The following CEP170 variants were observed in gnomAD, a reference collection of about 807,000 sequenced individuals.
The protein encoded by CEP170 is centrosomal protein 170.
Under a neutral mutation model 151.9 loss-of-function variants are expected in CEP170, and 21 were observed. That is an observed-to-expected ratio of 0.14 (90% CI 0.10 to 0.20). CEP170 has a LOEUF of 0.20. Ranked by LOEUF, CEP170 falls within the 10% of genes least tolerant of loss-of-function variation. The pLI, the probability that CEP170 is intolerant of heterozygous loss-of-function variation, is 1.00. For missense variants in CEP170, 964 were observed against 1,892.9 expected, an observed-to-expected ratio of 0.51 and a Z score of 9.11; for synonymous variants, 356 against 648.8, an observed-to-expected ratio of 0.55 and a Z score of 6.86.
At chr1:243,209,132 G>C (rs1156980685) in intron 4 of CEP170, among the ~76,000 whole-genome samples, 1 of 152,196 alleles carries the variant, frequency 6.6e-6, no homozygotes, top group Non-Finnish European at 1.5e-5. Flanking sequence ...CCTAATTCTA[G>C]TCTTGATCCA....
chr1:243,232,874 C>T (rs1306982367), intron 1 of CEP170, among the ~76,000 whole-genome samples: 1 of 152,144 alleles, frequency 6.6e-6, no homozygotes, highest in Non-Finnish European at 1.5e-5. Flanking sequence ...GACACTTTTT[C>T]ATCTTTGTAT....
intron 3 of CEP170, among the ~76,000 whole-genome samples, chr1:243,214,347 G>A (rs1311769178): frequency 7.6e-5 from 11 of 144,388 alleles, no homozygotes; most frequent in East Asian, 4.3e-4. Flanking sequence ...GTGTAATGGC[G>A]TGATCTCAGC....
chr1:243,134,888 T>G (rs1244005372), intron 17 of CEP170, among the ~76,000 whole-genome samples: 1 of 152,082 alleles, frequency 6.6e-6, no homozygotes, highest in Admixed American at 6.5e-5. Context: ...TTGGGGAAAG[T>G]AAAGATCTAA....
At chr1:243,241,340 G>A (rs933639556) in intron 1 of CEP170, among the ~76,000 whole-genome samples, 4 of 152,126 alleles carry the variant, frequency 2.6e-5, no homozygotes, top group Admixed American at 2.6e-4. Flanking sequence ...CAATGTTAAC[G>A]ACATCCCTTT....
rs1405428319 is a variant in CEP170, at chr1:243,219,770, C to A, written c.195+1954G>T. On this transcript the variant is annotated intron_variant, in intron 3 of 19. Coordinates refer to ENST00000366542, the MANE Select transcript of CEP170 (RefSeq NM_014812.3). ...TTAAAATTTTTCACTATAAATTCTTCAAGTAGAAAATTAATTCAATTCCAC... is the reference window on the plus strand; with the variant it reads ...TTAAAATTTTTCACTATAAATTCTTAAAGTAGAAAATTAATTCAATTCCAC... Among the ~76,000 whole-genome samples the A allele has an allele frequency of 3.9e-5, 6 of 152,306 alleles. No homozygotes were observed. The South Asian group carries it at 1.2e-3, about 32-fold the overall frequency.
intron 14 of CEP170, among the ~76,000 whole-genome samples, chr1:243,145,180 T>C (rs2056318932): frequency 6.6e-6 from 1 of 152,220 alleles, no homozygotes; most frequent in Admixed American, 6.5e-5. Context: ...TTTGCAAGAT[T>C]ATATATTATT....
At chr1:243,209,833 C>T in intron 4 of CEP170, among the ~76,000 whole-genome samples, 1 of 151,962 alleles carries the variant, frequency 6.6e-6, no homozygotes, top group Middle Eastern at 3.2e-3. Context: ...GCTGGGAGTA[C>T]AGGCGCCCGC....
At chr1:243,148,801 G>A (rs2148389010) in intron 14 of CEP170, among the ~76,000 whole-genome samples, 2 of 152,154 alleles carry the variant, frequency 1.3e-5, no homozygotes, top group Admixed American at 1.3e-4. Context: ...TCCATCAGTG[G>A]AAACTGTCAG....
chr1:243,208,368 A>C (rs1006103988), intron 4 of CEP170, among the ~76,000 whole-genome samples: 23 of 152,180 alleles, frequency 1.5e-4, no homozygotes, highest in African/African-American at 1.4e-4. Flanking sequence ...TCCGATTAAA[A>C]AAAAACAAAA....
intron 1 of CEP170, 103 bp from the exon 2 acceptor site, chr1:243,225,424 A>G: frequency 2.1e-6 from 1 of 486,764 alleles, no homozygotes; most frequent in Non-Finnish European, 3.6e-6. Flanking sequence ...GTTCATCAAC[A>G]TTTATACTTA....
chr1:243,213,223 C>T (rs1034282988), intron 3 of CEP170, among the ~76,000 whole-genome samples: 4 of 151,852 alleles, frequency 2.6e-5, no homozygotes, highest in Admixed American at 1.3e-4. Context: ...CACAGACCTA[C>T]GAGCATGATG....
At position 243,136,839 on chromosome 1, in the gene CEP170, A is replaced by T. The variant is rs1335171313; in HGVS notation, c.4231-608T>A. 2.6e-5 allele frequency among the ~76,000 whole-genome samples: 4 copies of T among 152,012 alleles called. No homozygotes were observed. In the East Asian group the frequency reaches 5.8e-4, roughly 22 times the overall value. On this transcript the variant is annotated intron_variant, in intron 16 of 19. Transcript: ENST00000366542. The stretch of plus-strand genomic sequence containing the variant: ...CTTTGAGGGACACAGGGTCTAAGTA[A>T]TGTGAATACAGAAATCAAGAAGAGT...
At position 243,125,144 on chromosome 1, in the gene CEP170, CT is replaced by C. The variant is rs1281421363; in HGVS notation, c.*1304del. 6.6e-6 allele frequency: 1 copy of C among 151,970 alleles called. No individual in the cohort carries two copies. The highest frequency in any genetic ancestry group is 1.5e-5 in the Non-Finnish European group (1 of 67,960). The allele number at this position is 151,970 out of a possible 1,614,324, so 9.4% of individuals were successfully genotyped here. Reference sequence around the variant, plus strand: ...GGTCAAGGGGGAAAATCCAGGTCTACTAATAATATTTAACTGAATTAAGATA... The same window carrying C: ...GGTCAAGGGGGAAAATCCAGGTCTACAATAATATTTAACTGAATTAAGATA... On this transcript the variant is annotated 3_prime_UTR_variant, in exon 20 of 20. Transcript: ENST00000366542.
chr1:243,237,266 G>A (rs142337730), intron 1 of CEP170, among the ~76,000 whole-genome samples: 82 of 152,310 alleles, frequency 5.4e-4, no homozygotes, highest in African/African-American at 1.9e-3. Context: ...AGACTGTGAT[G>A]ATGGAAATAT....
chr1:243,221,945 A>G (rs1050354854), intron 2 of CEP170, 132 bp from the exon 3 acceptor site: 1 of 716,848 alleles, frequency 1.4e-6, no homozygotes, highest in Non-Finnish European at 2.1e-6. Context: ...GGATTAAATG[A>G]GATTAAAACG....
chr1:243,186,382 G>C lies in CEP170; in HGVS notation c.1149C>G (p.Asn383Lys), dbSNP rs376260609. 1.9e-6 allele frequency: 3 copies of C among 1,612,444 alleles called. No homozygotes were observed. Among genetic ancestry groups the C allele is most frequent in the Non-Finnish European group, 2.5e-6 (3 of 1,179,360 alleles). The change falls in exon 9 of 20, where the codon AAC becomes AAG. Residue 383 changes from asparagine (N) to lysine (K), a missense_variant. Coordinates refer to ENST00000366542, the MANE Select transcript of CEP170 (RefSeq NM_014812.3). ...HDDGTQSDSE[N>K]AGAHRRCSKR... ...TGCTACAGCGCCTGTGAGCCCCAGC[G>C]TTCTCTGAATCACTTTGCGTACCAT... is the stretch of plus-strand genomic sequence containing the variant.
intron 11 of CEP170, among the ~76,000 whole-genome samples, chr1:243,171,775 C>A (rs1397135767): frequency 6.6e-6 from 1 of 152,110 alleles, no homozygotes; most frequent in Admixed American, 6.5e-5. Flanking sequence ...TCATTAAATT[C>A]TCTGTAAATA....
intron 17 of CEP170, among the ~76,000 whole-genome samples, chr1:243,130,628 A>G (rs1047123098): frequency 1.3e-5 from 2 of 152,086 alleles, no homozygotes; most frequent in Admixed American, 6.6e-5. Context: ...ACAACACTAT[A>G]TAACCTCATG....
intron 16 of CEP170, among the ~76,000 whole-genome samples, chr1:243,137,779 TA>T (rs773221196): frequency 0.06 from 5,764 of 96,854 alleles, 287 homozygotes; most frequent in African/African-American, 0.17. Flanking sequence ...CTCTCAAAAT[TA>T]AAAAAAAAAA....
Sources: gnomAD v4.1 joint callset for allele counts (sites outside exome capture counted in the v4.1 genomes callset) on GRCh38, gnomAD v4.1.1 for gene constraint, MANE v1.5 for transcripts, NCBI Gene and HGNC (gene_info 2026-07-23, HGNC 2026-07-21) for gene names.